The following RETREG1 variants were observed in gnomAD, a reference collection of about 807,000 sequenced individuals.
RETREG1 encodes reticulophagy regulator 1, also known as family with sequence similarity 134 member B.
In RETREG1, 44 loss-of-function variants were observed where a neutral mutation model predicts 54.8. That is an observed-to-expected ratio of 0.80 (90% CI 0.63 to 1.03). The LOEUF is 1.03. Among genes scored for constraint, RETREG1 ranks in the 50% least tolerant of loss-of-function variants. RETREG1 has a pLI of 0.00. For synonymous variants in RETREG1, 217 were observed against 238.5 expected, an observed-to-expected ratio of 0.91 and a Z score of 0.83; for missense variants, 554 against 605.1, an observed-to-expected ratio of 0.92 and a Z score of 0.89.
Position 16,616,832 on chromosome 5 carries a change from G to A in RETREG1, c.140C>T (p.Ala47Val). ...RQQQEEEAQE[A>V]GAAEGAGLQV... ...CAACCCCGCGCCCTCCGCCGCCCCAGCTTCCTGCGCTTCCTCCTCCTGCTG... is the reference window on the plus strand; with the variant it reads ...CAACCCCGCGCCCTCCGCCGCCCCAACTTCCTGCGCTTCCTCCTCCTGCTG... The change falls in exon 1 of 9, where the codon GCT becomes GTT. Residue 47 changes from alanine to valine, a missense_variant. This residue lies in a region of RETREG1 where 175 missense variants were observed against 142.1 expected (regional missense o/e 1.23). Transcript: ENST00000306320. The A allele has an allele frequency of 6.6e-7, 1 of 1,514,410 alleles. No homozygotes were observed. Among genetic ancestry groups the A allele is most frequent in the Non-Finnish European group, 8.8e-7 (1 of 1,138,834 alleles). The allele number at this position is 1,514,410 out of a possible 1,614,324, so 93.8% of individuals were successfully genotyped here.
chr5:16,521,326 TC>T (rs1271218377), intron 3 of RETREG1, among the ~76,000 whole-genome samples: 2 of 152,062 alleles, frequency 1.3e-5, no homozygotes, highest in African/African-American at 2.4e-5. Context: ...AAAACCAAAT[TC>T]CCTAGGGGGT....
chr5:16,478,935 T>C lies in RETREG1; in HGVS notation c.723A>G (p.Lys241=), dbSNP rs746380834. The C allele has an allele frequency of 1.6e-5, 26 of 1,612,286 alleles. No homozygotes were observed. The East Asian group carries it at 5.6e-4, about 35-fold the overall frequency. ...PLFKCNDIGQ[K]IYSKIKSVLL... ...GAACTGACTTAATTTTGCTGTAAAT[T>C]TTTTGTCCAATATCATTACATTTAA... is the stretch of plus-strand genomic sequence containing the variant. Residue 241 remains lysine (K), a synonymous_variant, in exon 6 of 9, where the codon AAA becomes AAG. Coordinates refer to ENST00000306320, the MANE Select transcript of RETREG1 (RefSeq NM_001034850.3).
At chr5:16,525,213 C>A (rs1328963778) in intron 3 of RETREG1, among the ~76,000 whole-genome samples, 5 of 150,662 alleles carry the variant, frequency 3.3e-5, no homozygotes. Context: ...CTGGCCCCTG[C>A]AGGTGGATTT....
At chr5:16,518,179 T>C (rs1302590223) in intron 3 of RETREG1, among the ~76,000 whole-genome samples, 1 of 148,096 alleles carries the variant, frequency 6.8e-6, no homozygotes. Context: ...AATATGTAAA[T>C]ATAGTGATTA....
In RETREG1 at chr5:16,475,137, G is replaced by A. The variant is rs781315657; in HGVS notation, c.1098C>T (p.Ser366=). ...TCTTGAGCTCAGTGGGCAAACCAAG[G>A]CTTAATTCATCTTCATCATTTGTTC... ...GMGTNDEDEL[S]LGLPTELKRK... is the part of the protein sequence containing the mutation. The change falls in exon 9 of 9, where the codon AGC becomes AGT. Residue 366 remains serine, a synonymous_variant. Coordinates refer to ENST00000306320, the MANE Select transcript of RETREG1 (RefSeq NM_001034850.3). The A allele has an allele frequency of 1.9e-6, 3 of 1,613,904 alleles. No individual in the cohort carries two copies. Among genetic ancestry groups the A allele is most frequent in the South Asian group, 2.2e-5 (2 of 91,070 alleles).
intron 2 of RETREG1, among the ~76,000 whole-genome samples, chr5:16,567,319 G>T (rs113869711): frequency 4.9e-4 from 75 of 152,298 alleles, no homozygotes; most frequent in African/African-American, 1.7e-3. Flanking sequence ...AGACTCTGCA[G>T]GTCTTGGAGA....
chr5:16,537,876 G>C (rs1200687345), intron 3 of RETREG1, among the ~76,000 whole-genome samples: 8 of 152,156 alleles, frequency 5.3e-5, no homozygotes, highest in Admixed American at 5.2e-4. Context: ...CACCCTGCAT[G>C]CAGGGTCCAT....
intron 3 of RETREG1, among the ~76,000 whole-genome samples, chr5:16,553,063 T>C (rs1280075657): frequency 2.0e-5 from 3 of 152,220 alleles, no homozygotes; most frequent in African/African-American, 4.8e-5. Flanking sequence ...ACCTTTCAAA[T>C]ATACAATATT....
At chr5:16,547,892 AT>A (rs1741430654) in intron 3 of RETREG1, among the ~76,000 whole-genome samples, 1 of 152,216 alleles carries the variant, frequency 6.6e-6, no homozygotes, top group African/African-American at 2.4e-5. Flanking sequence ...AAAATTAATA[AT>A]TATGGTAAAA....
rs141626117 is a variant in RETREG1, at chr5:16,577,809, T to C, written c.321-5707A>G. On this transcript the variant is annotated intron_variant, in intron 1 of 8. Coordinates refer to ENST00000306320, the MANE Select transcript of RETREG1 (RefSeq NM_001034850.3). ...TAAGTCTCACGAGATCTGATGGTTTTGTCAGGGGAAACCCCTTTTGCTTAG... is the reference window on the plus strand; with the variant it reads ...TAAGTCTCACGAGATCTGATGGTTTCGTCAGGGGAAACCCCTTTTGCTTAG... Among the ~76,000 whole-genome samples the C allele has an allele frequency of 5.4e-3, 823 of 152,262 alleles. 7 individuals carry two copies. The highest frequency in any genetic ancestry group is 8.8e-3 in the Admixed American group (135 of 15,296).
intron 3 of RETREG1, among the ~76,000 whole-genome samples, chr5:16,528,924 A>AT (rs113951021): frequency 0.11 from 17,067 of 152,152 alleles, 1,121 homozygotes; most frequent in African/African-American, 0.16. Context: ...CAACTGCTGT[A>AT]TTTACATACC....
intron 1 of RETREG1, among the ~76,000 whole-genome samples, chr5:16,606,888 T>G (rs1743205172): frequency 6.6e-6 from 1 of 152,212 alleles, no homozygotes; most frequent in African/African-American, 2.4e-5. Context: ...CATGAAGTTC[T>G]GAGCTGAATG....
chr5:16,548,710 C>A (rs373891957), intron 3 of RETREG1, among the ~76,000 whole-genome samples: 1 of 152,206 alleles, frequency 6.6e-6, no homozygotes, highest in African/African-American at 2.4e-5. Context: ...ACTGTTATAA[C>A]CTTCTTGACT....
intron 3 of RETREG1, among the ~76,000 whole-genome samples, chr5:16,485,658 G>C (rs1018025163): frequency 1.3e-5 from 2 of 152,148 alleles, no homozygotes; most frequent in African/African-American, 4.8e-5. Flanking sequence ...TCACTATAGA[G>C]ATAATGTTAG....
At position 16,596,755 on chromosome 5, in the gene RETREG1, C is replaced by T. The variant is rs115951847; in HGVS notation, c.320+19897G>A. Among the ~76,000 whole-genome samples, 943 of 152,274 alleles carry T rather than the reference C, an allele frequency of 6.2e-3. 11 individuals carry two copies. Among genetic ancestry groups the T allele is most frequent in the African/African-American group, 0.021 (879 of 41,564 alleles). ...CTGCAACTCCAGGGAATGCCACTCA[C>T]GCTGTTTTCTGTGTGAGTGCCTGGA... On this transcript the variant is annotated intron_variant, in intron 1 of 8. Coordinates refer to ENST00000306320, the MANE Select transcript of RETREG1 (RefSeq NM_001034850.3).
intron 3 of RETREG1, among the ~76,000 whole-genome samples, chr5:16,530,245 C>T (rs1740872832): frequency 6.6e-6 from 1 of 152,156 alleles, no homozygotes; most frequent in African/African-American, 2.4e-5. Context: ...TTTCTGGTGT[C>T]AAGTCCTCTC....
At chr5:16,476,082 C>T (rs917374717) in intron 8 of RETREG1, among the ~76,000 whole-genome samples, 3 of 152,052 alleles carry the variant, frequency 2.0e-5, no homozygotes, top group African/African-American at 7.2e-5. Context: ...ATTGTAGGTA[C>T]TGAAAGCTTG....
At chr5:16,611,719 T>A (rs1743346207) in intron 1 of RETREG1, among the ~76,000 whole-genome samples, 1 of 152,182 alleles carries the variant, frequency 6.6e-6, no homozygotes. Flanking sequence ...AGTGGTACAC[T>A]ACCCAGCAAT....
chr5:16,476,832 T>C (rs549489875), intron 8 of RETREG1, among the ~76,000 whole-genome samples: 2 of 152,234 alleles, frequency 1.3e-5, no homozygotes, highest in African/African-American at 4.8e-5. Context: ...GGTGATGGGA[T>C]GCAAACCACC....
Sources: gnomAD v4.1 joint callset for allele counts (sites outside exome capture counted in the v4.1 genomes callset) on GRCh38, gnomAD v4.1.1 for gene constraint, gnomAD v4.1.1 regional missense constraint, MANE v1.5 for transcripts, NCBI Gene and HGNC (gene_info 2026-07-23, HGNC 2026-07-21) for gene names.